ACADM: variants seen among roughly 807,000 people sequenced by gnomAD.
ACADM encodes the protein acyl-CoA dehydrogenase medium chain.
A neutral mutation model predicts 58.9 loss-of-function variants in ACADM; 49 were observed. That is an observed-to-expected ratio of 0.83 (90% CI 0.66 to 1.06). The LOEUF (loss-of-function observed/expected upper bound fraction) is 1.06, where lower values mean the gene tolerates loss of function less well. Ranked by LOEUF, ACADM falls within the 50% of genes least tolerant of loss-of-function variation. The pLI is 0.00. For synonymous variants in ACADM, 160 were observed against 157.7 expected, an observed-to-expected ratio of 1.01 and a Z score of -0.11; for missense variants, 496 against 507.0, an observed-to-expected ratio of 0.98 and a Z score of 0.21.
At chr1:75,730,476 AG>A (rs999988481) in intron 2 of ACADM, among the ~76,000 whole-genome samples, 23 of 152,226 alleles carry the variant, frequency 1.5e-4, no homozygotes, top group African/African-American at 5.5e-4. Context: ...TAAAGCCCCT[AG>A]CACTTAGTGA....
Position 75,744,236 on chromosome 1 carries a change from G to A in ACADM, c.600-1570G>A, listed in dbSNP as rs1647754959. 9 of 1,590,322 alleles carry A rather than the reference G, an allele frequency of 5.7e-6. No individual in the cohort carries two copies. In the South Asian group the frequency reaches 9.9e-5, roughly 18 times the overall value. The stretch of plus-strand genomic sequence containing the variant: ...CGAGGGCACTGGTGGCATCGAGTGG[G>A]TATGGGTGCTGCATGGGGAGGAACT... On this transcript the variant is annotated intron_variant, in intron 7 of 11. Coordinates refer to ENST00000370841, the MANE Select transcript of ACADM (RefSeq NM_000016.6).
intron 7 of ACADM, 94 bp from the exon 8 acceptor site, chr1:75,745,712 A>G (rs1488112832): frequency 5.2e-6 from 5 of 967,746 alleles, no homozygotes; most frequent in Non-Finnish European, 8.4e-6. Flanking sequence ...GTAGGTAATA[A>G]TAATTGGGAT....
At chr1:75,757,629 A>T (rs1186372867) in intron 10 of ACADM, among the ~76,000 whole-genome samples, 2 of 152,260 alleles carry the variant, frequency 1.3e-5, no homozygotes, top group Non-Finnish European at 2.9e-5. Flanking sequence ...TAGTTCAACC[A>T]TTGTGGAAGA....
intron 2 of ACADM, 122 bp downstream of exon 2, chr1:75,728,610 G>C: frequency 1.4e-6 from 1 of 729,490 alleles, no homozygotes; most frequent in African/African-American, 1.8e-5. Flanking sequence ...CCAGTCCACT[G>C]TCCACAGATA....
In ACADM at chr1:75,740,056, A is replaced by T; in HGVS notation, c.545A>T (p.Glu182Val). ...IKTKAEKKGD[E>V]YIINGQKMWI... is the part of the protein sequence containing the mutation. ...ACCAAAGCAGAAAAGAAAGGAGATG[A>T]GTATATTATTAATGGTCAGAAGATG... is the stretch of plus-strand genomic sequence containing the variant. Residue 182 changes from glutamate to valine, a missense_variant, in exon 7 of 12, where the codon GAG (glutamate) becomes GTG (valine). Coordinates refer to ENST00000370841, the MANE Select transcript of ACADM (RefSeq NM_000016.6). The T allele has an allele frequency of 6.2e-7, 1 of 1,612,542 alleles. No individual in the cohort carries two copies. The highest frequency in any genetic ancestry group is 8.5e-7 in the Non-Finnish European group (1 of 1,178,822).
rs1318655704 is a variant in ACADM at position 75,724,739 on chromosome 1, A to T, written c.-49A>T. ...AGTCCCGCGTTCGGGGAGTATGTCA[A>T]GGCCGTGACCCGTGTATTATTGTCC... On this transcript the variant is annotated 5_prime_UTR_variant, in exon 1 of 12. The change creates a new upstream start codon in the 5' untranslated region. Coordinates refer to ENST00000370841, the MANE Select transcript of ACADM (RefSeq NM_000016.6). 6.5e-7 allele frequency: 1 copy of T among 1,543,076 alleles called. No homozygotes were observed. Among genetic ancestry groups the T allele is most frequent in the South Asian group, 1.2e-5 (1 of 83,170 alleles).
chr1:75,754,202 G>GTTT (rs1241220644), intron 10 of ACADM, among the ~76,000 whole-genome samples: 2 of 142,616 alleles, frequency 1.4e-5, no homozygotes, highest in Non-Finnish European at 1.5e-5. Context: ...TGAAACTTCA[G>GTTT]TTTTTTGTTT....
intron 7 of ACADM, chr1:75,744,605 G>C: frequency 8.7e-7 from 1 of 1,148,926 alleles, no homozygotes; most frequent in Non-Finnish European, 1.3e-6. Flanking sequence ...CTGAAGAAGC[G>C]AACACTGAAG....
At chr1:75,731,008 T>C (rs1174213401) in intron 2 of ACADM, among the ~76,000 whole-genome samples, 2 of 151,886 alleles carry the variant, frequency 1.3e-5, no homozygotes, top group African/African-American at 2.4e-5. Flanking sequence ...GAGATTTGGC[T>C]GGGCGCAGTG....
chr1:75,762,666 A>T, intron 11 of ACADM, 26 bp from the exon 12 acceptor site: 1 of 1,413,028 alleles, frequency 7.1e-7, no homozygotes, highest in Non-Finnish European at 1.0e-6. Flanking sequence ...AAAGATATTT[A>T]ACCTACACTT....
chr1:75,735,319 C>CAAAA (rs33952162), intron 6 of ACADM, among the ~76,000 whole-genome samples: 11 of 101,752 alleles, frequency 1.1e-4, no homozygotes, highest in South Asian at 3.7e-4. Flanking sequence ...GACCCTGTCT[C>CAAAA]AAAAAAAAAA....
intron 4 of ACADM, 41 bp downstream of exon 4, chr1:75,732,963 G>A (rs780737278): frequency 1.9e-6 from 3 of 1,612,982 alleles, no homozygotes; most frequent in Admixed American, 3.3e-5. Flanking sequence ...ATGCATATGA[G>A]TAAGAAAAAT....
intron 10 of ACADM, among the ~76,000 whole-genome samples, chr1:75,753,690 AATCTT>A (rs1419824945): frequency 6.6e-6 from 1 of 151,502 alleles, no homozygotes; most frequent in Non-Finnish European, 1.5e-5. Flanking sequence ...AATATTGAAA[AATCTT>A]AGTTTTTCCT....
At chr1:75,724,959 C>G in intron 1 of ACADM, 142 bp downstream of exon 1, 1 of 698,858 alleles carries the variant, frequency 1.4e-6, no homozygotes, top group African/African-American at 1.8e-5. Flanking sequence ...GGCCCCCAAC[C>G]TGCTTTCACG....
chr1:75,745,566 A>C (rs1647850032), intron 7 of ACADM: 2 of 519,900 alleles, frequency 3.8e-6, no homozygotes, highest in African/African-American at 3.8e-5. Flanking sequence ...AAACCACAGA[A>C]AGTGAAACCC....
chr1:75,735,948 A>T (rs1174068901), intron 6 of ACADM, among the ~76,000 whole-genome samples: 1 of 151,974 alleles, frequency 6.6e-6, no homozygotes, highest in Non-Finnish European at 1.5e-5. Context: ...CCGGGAGTTC[A>T]AGACCAGCCT....
At chr1:75,752,045 A>G (rs545409507) in intron 10 of ACADM, among the ~76,000 whole-genome samples, 1 of 149,328 alleles carries the variant, frequency 6.7e-6, no homozygotes, top group Non-Finnish European at 1.5e-5. Context: ...TGCGAGTGCA[A>G]TGGTGCAGTC....
chr1:75,728,238 T>C lies in ACADM; in HGVS notation c.31-163T>C. Reference sequence around the variant, plus strand: ...TAATAGGAATTTATATAACTGATAATTGGCTTATTTAAATTATGATTGAAG... The same window carrying C: ...TAATAGGAATTTATATAACTGATAACTGGCTTATTTAAATTATGATTGAAG... On this transcript the variant is annotated intron_variant, in intron 1 of 11. Coordinates refer to ENST00000370841, the MANE Select transcript of ACADM (RefSeq NM_000016.6). 3 of 545,998 alleles carry C rather than the reference T, an allele frequency of 5.5e-6. 1 individual carries two copies. Among genetic ancestry groups the C allele is most frequent in the East Asian group, 3.1e-5 (1 of 32,118 alleles). The allele number at this position is 545,998 out of a possible 1,614,324, so 33.8% of individuals were successfully genotyped here.
chr1:75,745,103 C>T (rs1647822358), intron 7 of ACADM, among the ~76,000 whole-genome samples: 1 of 152,112 alleles, frequency 6.6e-6, no homozygotes. Context: ...CACATATATA[C>T]TTATTATAAA....
Sources: allele counts gnomAD v4.1 joint callset (sites outside exome capture counted in the v4.1 genomes callset), GRCh38; gene constraint gnomAD v4.1.1; transcripts MANE v1.5; gene names NCBI Gene and HGNC (gene_info 2026-07-23, HGNC 2026-07-21).